DGKH: variants seen among roughly 807,000 people sequenced by gnomAD.
DGKH encodes diacylglycerol kinase eta.
A neutral mutation model predicts 159.3 loss-of-function variants in DGKH; 90 were observed. The ratio of observed to expected loss-of-function variants is 0.57; its 90% CI spans 0.48 to 0.67. The LOEUF is 0.67. DGKH is among the 30% of genes least tolerant of loss of function. DGKH has a pLI of 0.00. For synonymous variants in DGKH, 536 were observed against 553.8 expected, an observed-to-expected ratio of 0.97 and a Z score of 0.45; for missense variants, 1,181 against 1,506.1, an observed-to-expected ratio of 0.78 and a Z score of 3.57.
chr13:42,047,054 T>A (rs1291781446), upstream of DGKH, among the ~76,000 whole-genome samples: 1 of 152,248 alleles, frequency 6.6e-6, no homozygotes, highest in Non-Finnish European at 1.5e-5. Context: ...AAGAATTACA[T>A]ATTTGTAGAG....
chr13:42,103,554 T>C (rs1307896676), intron 1 of DGKH, among the ~76,000 whole-genome samples: 1 of 152,174 alleles, frequency 6.6e-6, no homozygotes, highest in Non-Finnish European at 1.5e-5. Flanking sequence ...CCTGAATCAA[T>C]TCCAGGTGTC....
intron 5 of DGKH, among the ~76,000 whole-genome samples, chr13:42,157,125 A>C (rs748043768): frequency 6.6e-6 from 1 of 152,198 alleles, no homozygotes; most frequent in Non-Finnish European, 1.5e-5. Context: ...GAAGGAGAAA[A>C]TTTGGAGAAG....
intron 1 of DGKH, among the ~76,000 whole-genome samples, chr13:42,051,116 A>G (rs1369465711): frequency 6.6e-6 from 1 of 152,260 alleles, no homozygotes; most frequent in Non-Finnish European, 1.5e-5. Context: ...TTTAAAAAGC[A>G]CATTATTTGT....
chr13:42,184,053 A>T (rs35859771), intron 13 of DGKH, among the ~76,000 whole-genome samples: 1 of 152,126 alleles, frequency 6.6e-6, no homozygotes, highest in Non-Finnish European at 1.5e-5. Context: ...AATCTACTTT[A>T]GGGATAATTT....
chr13:42,225,071 G>A (rs917000583), intron 29 of DGKH, among the ~76,000 whole-genome samples: 3 of 152,028 alleles, frequency 2.0e-5, no homozygotes, highest in African/African-American at 7.2e-5. Context: ...ACATGTGCAT[G>A]CCGTCACACC....
At chr13:42,221,095 A>G in intron 28 of DGKH, 169 bp from the exon 29 acceptor site, 1 of 808,272 alleles carries the variant, frequency 1.2e-6, no homozygotes, top group Non-Finnish European at 1.9e-6. Flanking sequence ...ATAGTGTGTA[A>G]CTTGCATGGG....
chr13:42,072,954 C>T (rs1262531493), intron 1 of DGKH, among the ~76,000 whole-genome samples: 1 of 152,118 alleles, frequency 6.6e-6, no homozygotes, highest in African/African-American at 2.4e-5. Flanking sequence ...TTCTCTAAAT[C>T]CATCTTCTAA....
At chr13:42,176,029 C>T (rs1333745674) in intron 12 of DGKH, among the ~76,000 whole-genome samples, 1 of 152,156 alleles carries the variant, frequency 6.6e-6, no homozygotes, top group African/African-American at 2.4e-5. Context: ...TATTACTTAC[C>T]TTTCTGACCG....
At chr13:42,170,930 G>A (rs1193018124) in intron 11 of DGKH, among the ~76,000 whole-genome samples, 6 of 123,764 alleles carry the variant, frequency 4.8e-5, no homozygotes, top group Admixed American at 9.1e-5. Flanking sequence ...CCAACAGAGC[G>A]AGACTCTGTC....
chr13:42,091,860 A>G (rs1954425561), intron 1 of DGKH, among the ~76,000 whole-genome samples: 1 of 152,250 alleles, frequency 6.6e-6, no homozygotes, highest in African/African-American at 2.4e-5. Context: ...ATGCAAATCA[A>G]AACCACAATG....
chr13:42,149,554 A>G (rs1390513546), intron 3 of DGKH, among the ~76,000 whole-genome samples: 1 of 152,224 alleles, frequency 6.6e-6, no homozygotes, highest in African/African-American at 2.4e-5. Context: ...GTATTTTCTA[A>G]TGAATGAACG....
chr13:42,222,932 A>T (rs1270828234), intron 29 of DGKH, among the ~76,000 whole-genome samples: 1 of 152,228 alleles, frequency 6.6e-6, no homozygotes, highest in African/African-American at 2.4e-5. Flanking sequence ...AAGTTAGAAA[A>T]GAATAGAAAG....
intron 23 of DGKH, among the ~76,000 whole-genome samples, chr13:42,210,191 G>A (rs866855393): frequency 6.6e-6 from 1 of 151,414 alleles, no homozygotes. Context: ...TTTTTGTTTT[G>A]AAACAGTCCT....
In DGKH at chr13:42,234,542, C is replaced by T. The variant is rs1216573959; in HGVS notation, c.*5354C>T. On this transcript the variant is annotated 3_prime_UTR_variant, in exon 30 of 30. Coordinates refer to ENST00000337343, the MANE Select transcript of DGKH (RefSeq NM_178009.5). ...ATCTCTCCTGTCTGCCCCCTCTACG[C>T]CCCACTCCAATTAACTCATCCTACA... 1 of 152,198 alleles carries T rather than the reference C, an allele frequency of 6.6e-6. No homozygotes were observed. Among genetic ancestry groups the T allele is most frequent in the Non-Finnish European group, 1.5e-5 (1 of 68,076 alleles). 9.4% of individuals were successfully genotyped at this position (152,198 alleles called of 1,614,324 possible). A position where few individuals can be genotyped will look rare whatever the true frequency, so the allele number is the denominator to read the frequency against.
chr13:42,213,471 T>C (rs994123663), intron 24 of DGKH, among the ~76,000 whole-genome samples: 3 of 152,160 alleles, frequency 2.0e-5, no homozygotes, highest in Non-Finnish European at 4.4e-5. Context: ...TGAAGTTGAT[T>C]TATGTCTTTC....
chr13:42,204,912 A>G (rs1054140300), intron 20 of DGKH, among the ~76,000 whole-genome samples: 2 of 152,168 alleles, frequency 1.3e-5, no homozygotes, highest in African/African-American at 4.8e-5. Flanking sequence ...GAGATGTCCC[A>G]TTACAGAAAC....
At position 42,084,922 on chromosome 13, in the gene DGKH, T is replaced by TAA. The variant is rs5803111; in HGVS notation, c.192+35969_192+35970dup. Among the ~76,000 whole-genome samples, 16 of 146,328 alleles carry TAA rather than the reference T, an allele frequency of 1.1e-4. 1 individual carries two copies. The highest frequency in any genetic ancestry group is 2.2e-4 in the South Asian group (1 of 4,646). On this transcript the variant is annotated intron_variant, in intron 1 of 29. Transcript: ENST00000337343. The stretch of plus-strand genomic sequence containing the variant: ...AAAGTTTCATAATGATTGTTCTTAG[T>TAA]AAAAAAAAAAAAATTAATCCTATAA...
intron 8 of DGKH, 24 bp downstream of exon 8, chr13:42,165,457 G>C: frequency 7.6e-7 from 1 of 1,307,802 alleles, no homozygotes; most frequent in South Asian, 1.5e-5. Flanking sequence ...GTGTAAGTAC[G>C]TATATTTCTG....
intron 24 of DGKH, 152 bp from the exon 25 acceptor site, chr13:42,214,355 T>G (rs1957736126): frequency 1.8e-6 from 1 of 554,664 alleles, no homozygotes; most frequent in South Asian, 3.6e-5. Flanking sequence ...GATCTACCTG[T>G]GCCATTCATA....
Sources: gnomAD v4.1 joint callset for allele counts (sites outside exome capture counted in the v4.1 genomes callset) on GRCh38, gnomAD v4.1.1 for gene constraint, MANE v1.5 for transcripts, NCBI Gene and HGNC (gene_info 2026-07-23, HGNC 2026-07-21) for gene names.